Variants in ENOX1 observed in about 807,000 individuals in gnomAD.
The protein encoded by ENOX1 is ecto-NOX disulfide-thiol exchanger 1, also known as candidate growth-related and time keeping constitutive hydroquinone (NADH) oxidase.
ENOX1 carries 42 observed loss-of-function variants against 82.5 expected under a neutral mutation model. The observed-to-expected ratio is 0.51, with a 90% CI of 0.40 to 0.66. The LOEUF (loss-of-function observed/expected upper bound fraction) is 0.66, where lower values mean the gene tolerates loss of function less well. Among genes scored for constraint, ENOX1 ranks in the 30% least tolerant of loss-of-function variants. ENOX1 has a pLI of 0.00. For missense variants in ENOX1, 608 were observed against 811.6 expected, an observed-to-expected ratio of 0.75 and a Z score of 3.05; for synonymous variants, 271 against 282.2, an observed-to-expected ratio of 0.96 and a Z score of 0.40.
At chr13:43,297,205 C>T (rs1032365013) in intron 12 of ENOX1, among the ~76,000 whole-genome samples, 6 of 152,098 alleles carry the variant, frequency 3.9e-5, no homozygotes, top group South Asian at 2.1e-4. Flanking sequence ...CTTCCCAATC[C>T]GTGATTCTTT....
At chr13:43,589,852 T>C (rs957669539) in intron 2 of ENOX1, among the ~76,000 whole-genome samples, 8 of 149,734 alleles carry the variant, frequency 5.3e-5, no homozygotes, top group Admixed American at 1.3e-4. Context: ...TGGCTACTTA[T>C]TGAAGCCCTG....
chr13:43,428,926 C>G (rs959648387), intron 3 of ENOX1, among the ~76,000 whole-genome samples: 5 of 152,228 alleles, frequency 3.3e-5, no homozygotes, highest in African/African-American at 9.6e-5. Context: ...TGTCAGTTAT[C>G]ATGTGGGACA....
chr13:43,310,529 G>T (rs965546734), intron 11 of ENOX1, among the ~76,000 whole-genome samples: 8 of 152,122 alleles, frequency 5.3e-5, no homozygotes, highest in Admixed American at 2.6e-4. Context: ...GAACATGAGA[G>T]GGAAGGGACT....
chr13:43,309,089 T>A (rs1231998810), intron 11 of ENOX1, among the ~76,000 whole-genome samples: 1 of 150,708 alleles, frequency 6.6e-6, no homozygotes, highest in East Asian at 2.0e-4. Flanking sequence ...TGGTGTGACC[T>A]TGGCTCGCTG....
chr13:43,291,247 C>T (rs2045982307), intron 12 of ENOX1, among the ~76,000 whole-genome samples: 1 of 152,208 alleles, frequency 6.6e-6, no homozygotes, highest in African/African-American at 2.4e-5. Context: ...CTTCCCATCC[C>T]TGTGTCTGGA....
At chr13:43,258,032 A>G (rs1247525769) in intron 14 of ENOX1, among the ~76,000 whole-genome samples, 1 of 152,244 alleles carries the variant, frequency 6.6e-6, no homozygotes, top group Non-Finnish European at 1.5e-5. Context: ...CTAATGACCA[A>G]GCAGGTACCA....
chr13:43,367,167 T>C (rs1455109288), intron 5 of ENOX1, among the ~76,000 whole-genome samples: 1 of 152,128 alleles, frequency 6.6e-6, no homozygotes, highest in South Asian at 2.1e-4. Context: ...AAAATACCAA[T>C]ACAGTAATGA....
At chr13:43,427,429 G>C (rs543557397) in intron 3 of ENOX1, among the ~76,000 whole-genome samples, 54 of 152,220 alleles carry the variant, frequency 3.5e-4, no homozygotes, top group Non-Finnish European at 3.8e-4. Flanking sequence ...ATGAATGGCA[G>C]AGCCCAGGAC....
At chr13:43,716,438 C>T (rs1008506412) in intron 1 of ENOX1, among the ~76,000 whole-genome samples, 2 of 152,070 alleles carry the variant, frequency 1.3e-5, no homozygotes, top group Non-Finnish European at 2.9e-5. Context: ...AGCTGTAGAC[C>T]GGAGATCTTC....
At chr13:43,361,576 A>G in intron 5 of ENOX1, 124 bp from the exon 6 acceptor site, 1 of 854,792 alleles carries the variant, frequency 1.2e-6, no homozygotes, top group South Asian at 1.8e-5. Flanking sequence ...CTCCTGGCAT[A>G]AGATATAATA....
At position 43,454,697 on chromosome 13, in the gene ENOX1, C is replaced by T. The variant is rs183757618; in HGVS notation, c.-75+29312G>A. On this transcript the variant is annotated intron_variant, in intron 3 of 16. Transcript: ENST00000690772. The stretch of plus-strand genomic sequence containing the variant: ...CATGTAATATTGTTTACTACCAAGA[C>T]AAGTAGTAAAAGAGTATGCGTTCGA... 7.2e-5 allele frequency among the ~76,000 whole-genome samples: 11 copies of T among 152,234 alleles called. No individual in the cohort carries two copies. The East Asian group carries it at 1.9e-3, about 27-fold the overall frequency.
At chr13:43,316,550 C>T (rs2047498741) in intron 11 of ENOX1, among the ~76,000 whole-genome samples, 2 of 151,992 alleles carry the variant, frequency 1.3e-5, no homozygotes, top group Admixed American at 6.6e-5. Context: ...AGGAGTGCTT[C>T]CATTGAAATG....
intron 1 of ENOX1, among the ~76,000 whole-genome samples, chr13:43,675,450 G>C (rs1405168193): frequency 6.6e-6 from 1 of 152,182 alleles, no homozygotes; most frequent in Non-Finnish European, 1.5e-5. Context: ...ATCAAGTTCA[G>C]CTTGCTTGAT....
chr13:43,720,820 T>G (rs1010445432), intron 1 of ENOX1, among the ~76,000 whole-genome samples: 2 of 152,152 alleles, frequency 1.3e-5, no homozygotes, highest in African/African-American at 4.8e-5. Flanking sequence ...CTAACAAGAC[T>G]CAAAGCCAAG....
At chr13:43,780,140 G>A (rs796708872) in intron 1 of ENOX1, among the ~76,000 whole-genome samples, 11 of 147,768 alleles carry the variant, frequency 7.4e-5, no homozygotes, top group African/African-American at 2.3e-4. Flanking sequence ...CAGCCTGGGC[G>A]ACAGAGCGAG....
chr13:43,519,639 GC>G (rs1267614033), intron 2 of ENOX1, among the ~76,000 whole-genome samples: 1 of 152,108 alleles, frequency 6.6e-6, no homozygotes, highest in African/African-American at 2.4e-5. Context: ...GACAAACTGG[GC>G]CACCCAAAGA....
chr13:43,222,750 A>T (rs2041854915), intron 16 of ENOX1, among the ~76,000 whole-genome samples: 1 of 152,220 alleles, frequency 6.6e-6, no homozygotes. Context: ...AGTAAAGGGG[A>T]AACAACAGCA....
chr13:43,326,606 G>T (rs2048131138), intron 9 of ENOX1, 81 bp from the exon 10 acceptor site: 3 of 1,060,526 alleles, frequency 2.8e-6, no homozygotes, highest in Non-Finnish European at 4.4e-6. Context: ...GACACTAGGA[G>T]TCTATGGATG....
At position 43,773,775 on chromosome 13, in the gene ENOX1, C is replaced by T. The variant is rs575841747; in HGVS notation, c.-285+12877G>A. ...CTGTTTATCTGTTTGATGTATTTTC[C>T]AGTAAACTGTAGACTCCCAAGACAG... On this transcript the variant is annotated intron_variant, in intron 1 of 16. Coordinates refer to ENST00000690772, the MANE Select transcript of ENOX1 (RefSeq NM_001347969.2). 3.9e-5 allele frequency among the ~76,000 whole-genome samples: 6 copies of T among 152,238 alleles called. No homozygotes were observed. The South Asian group carries it at 6.2e-4, about 16-fold the overall frequency.
Sources: allele counts gnomAD v4.1 joint callset (sites outside exome capture counted in the v4.1 genomes callset), GRCh38; gene constraint gnomAD v4.1.1; transcripts MANE v1.5; gene names NCBI Gene and HGNC (gene_info 2026-07-23, HGNC 2026-07-21).